Variants in RANBP2 observed in about 807,000 individuals in gnomAD.
RANBP2 encodes E3 SUMO-protein ligase RanBP2.
Under a neutral mutation model 303.6 loss-of-function variants are expected in RANBP2, and 57 were observed. The observed-to-expected ratio is 0.19, with a 90% CI of 0.15 to 0.23. RANBP2 has a LOEUF of 0.23. Among genes scored for constraint, RANBP2 ranks in the 10% least tolerant of loss-of-function variants. The probability of loss-of-function intolerance (pLI) is 1.00; values close to 1 mark genes in which losing one functional copy is unlikely to be tolerated. For missense variants in RANBP2, 3,138 were observed against 3,780.8 expected (o/e 0.83, Z 4.46); for synonymous variants, 1,167 against 1,301.5 (o/e 0.90, Z 2.23).
the RANBP2 span, among the ~76,000 whole-genome samples, chr2:109,683,788 G>C: frequency 3.3e-5 from 5 of 152,122 alleles, no homozygotes; most frequent in Non-Finnish European, 7.4e-5. Context: ...TGTTGCTTGG[G>C]GGTCCCTTTT....
the RANBP2 span, among the ~76,000 whole-genome samples, chr2:109,517,834 C>A: frequency 3.9e-5 from 6 of 152,354 alleles, no homozygotes; most frequent in East Asian, 1.9e-4. Context: ...AAGGACAATG[C>A]CATCCCCAGG....
chr2:109,468,409 A>T, the RANBP2 span, among the ~76,000 whole-genome samples: 2 of 152,348 alleles, frequency 1.3e-5, no homozygotes, highest in East Asian at 3.9e-4. Context: ...TTATCATCTT[A>T]TAAGACCCCC....
At chr2:109,162,456 C>G in the RANBP2 span, among the ~76,000 whole-genome samples, 6 of 152,070 alleles carry the variant, frequency 3.9e-5, no homozygotes, top group African/African-American at 1.2e-4. Flanking sequence ...GGTACATGTG[C>G]ACAACGTGCA....
At chr2:109,280,767 G>A in the RANBP2 span, among the ~76,000 whole-genome samples, 4 of 152,216 alleles carry the variant, frequency 2.6e-5, no homozygotes, top group African/African-American at 9.6e-5. Flanking sequence ...TGAGCCTCGA[G>A]GGCGCTGCAG....
the RANBP2 span, among the ~76,000 whole-genome samples, chr2:108,978,783 G>A: frequency 6.6e-6 from 1 of 152,134 alleles, no homozygotes; most frequent in South Asian, 2.1e-4. Flanking sequence ...CTGGAGAAAA[G>A]ACGGGAAAAT....
chr2:109,276,289 A>AGG, the RANBP2 span, among the ~76,000 whole-genome samples: 2 of 152,214 alleles, frequency 1.3e-5, no homozygotes, highest in Non-Finnish European at 2.9e-5. Flanking sequence ...GCTCTAGAAA[A>AGG]GGGTCACGAT....
At chr2:109,436,895 T>A in the RANBP2 span, 9 of 1,612,974 alleles carry the variant, frequency 5.6e-6, no homozygotes, top group Non-Finnish European at 7.6e-6. Flanking sequence ...CTCCACAGGG[T>A]GCCTGCAGGA....
the RANBP2 span, among the ~76,000 whole-genome samples, chr2:109,055,790 T>G: frequency 7.2e-6 from 1 of 138,908 alleles, no homozygotes; most frequent in Non-Finnish European, 1.5e-5. Context: ...GAGATGAGTC[T>G]CACTCTGTCA....
At chr2:109,661,148 A>T in the RANBP2 span, among the ~76,000 whole-genome samples, 2 of 152,126 alleles carry the variant, frequency 1.3e-5, no homozygotes, top group Non-Finnish European at 2.9e-5. Context: ...ACCCAGGTTT[A>T]TGGAAGCTCT....
chr2:109,720,309 A>C, the RANBP2 span, among the ~76,000 whole-genome samples: 1 of 151,846 alleles, frequency 6.6e-6, no homozygotes, highest in African/African-American at 2.4e-5. Flanking sequence ...ATATATATAC[A>C]GTCCCTTCAG....
At chr2:108,959,569 A>T in the RANBP2 span, among the ~76,000 whole-genome samples, 3 of 152,176 alleles carry the variant, frequency 2.0e-5, no homozygotes, top group South Asian at 6.2e-4. Flanking sequence ...TGGTTCTCAC[A>T]GCAGTCATGG....
At chr2:108,925,695 G>A in the RANBP2 span, among the ~76,000 whole-genome samples, 5 of 151,914 alleles carry the variant, frequency 3.3e-5, no homozygotes, top group South Asian at 2.1e-4. Context: ...TTGGCTCACC[G>A]CAACTTCCGC....
At chr2:109,496,882 G>T in the RANBP2 span, among the ~76,000 whole-genome samples, 1 of 152,178 alleles carries the variant, frequency 6.6e-6, no homozygotes, top group African/African-American at 2.4e-5. Context: ...AATCACAAAG[G>T]GTCCTTATGA....
At chr2:109,249,716 C>G in the RANBP2 span, among the ~76,000 whole-genome samples, 1 of 151,244 alleles carries the variant, frequency 6.6e-6, no homozygotes, top group African/African-American at 2.4e-5. Flanking sequence ...GGTGCGATCT[C>G]AGCTCACTGC....
chr2:109,497,740 C>T, the RANBP2 span, among the ~76,000 whole-genome samples: 1 of 152,250 alleles, frequency 6.6e-6, no homozygotes, highest in Non-Finnish European at 1.5e-5. Flanking sequence ...ATTCAGCCCA[C>T]ATCCATCTGG....
At chr2:109,471,227 A>G in the RANBP2 span, among the ~76,000 whole-genome samples, 42 of 151,772 alleles carry the variant, frequency 2.8e-4, no homozygotes, top group South Asian at 7.3e-3. Context: ...AAAAAAAAAA[A>G]AAAAGAAATT....
chr2:108,919,958 C>T, the RANBP2 span, among the ~76,000 whole-genome samples: 1 of 152,220 alleles, frequency 6.6e-6, no homozygotes, highest in African/African-American at 2.4e-5. Flanking sequence ...AAATTCCACA[C>T]ACACAGCCTT....
the RANBP2 span, chr2:109,419,630 T>C: frequency 6.3e-7 from 1 of 1,581,570 alleles, no homozygotes; most frequent in Non-Finnish European, 8.6e-7. Context: ...AAGGTCCAGC[T>C]GCCCCTCAAC....
intron 17 of RANBP2, among the ~76,000 whole-genome samples, chr2:108,757,113 G>A (rs1262464156): frequency 8.2e-4 from 124 of 152,112 alleles, no homozygotes; most frequent in African/African-American, 2.8e-3. Flanking sequence ...GTTAGAACTG[G>A]TCGGATTCCT....
Sources: gnomAD v4.1 joint callset for allele counts (sites outside exome capture counted in the v4.1 genomes callset) on GRCh38, gnomAD v4.1.1 for gene constraint, MANE v1.5 for transcripts, NCBI Gene and HGNC (gene_info 2026-07-23, HGNC 2026-07-21) for gene names.